Variants in HS3ST4 observed in about 807,000 individuals in gnomAD.
The protein encoded by HS3ST4 is heparan sulfate glucosamine 3-O-sulfotransferase 4.
A neutral mutation model predicts 29.2 loss-of-function variants in HS3ST4; 17 were observed. The ratio of observed to expected loss-of-function variants is 0.58; its 90% CI spans 0.40 to 0.87. The LOEUF (loss-of-function observed/expected upper bound fraction) is 0.87. HS3ST4 is among the 40% of genes least tolerant of loss of function. HS3ST4 has a pLI of 0.00. For synonymous variants in HS3ST4, 314 were observed against 285.7 expected, an observed-to-expected ratio of 1.10 and a Z score of -1.00; for missense variants, 627 against 634.5, an observed-to-expected ratio of 0.99 and a Z score of 0.13.
intron 1 of HS3ST4, among the ~76,000 whole-genome samples, chr16:25,806,347 G>A (rs1287158425): frequency 5.5e-5 from 5 of 91,084 alleles, no homozygotes; most frequent in African/African-American, 2.0e-4. Context: ...GTGTCTACGT[G>A]GGGGCAGGAC....
rs781032384 is a variant in HS3ST4 at position 25,692,889 on chromosome 16, G to T, written c.472G>T (p.Glu158Ter). The change falls in exon 1 of 2, where the codon GAG becomes TAG. Residue 158 changes from glutamate to a stop codon, truncating the protein, a stop_gained. Transcript: ENST00000331351. LOFTEE classifies it high-confidence loss of function. Reference sequence around the variant, plus strand: ...GATCACGGCTCAGAGCGCGCTGCCGGAGAGGGAAGCGCAGGAGTCCAGCAC... The same window carrying T: ...GATCACGGCTCAGAGCGCGCTGCCGTAGAGGGAAGCGCAGGAGTCCAGCAC... Reference protein sequence around the residue: ...EMITAQSALPEREAQESSTTD... With the variant: ...EMITAQSALP 1 of 1,567,522 alleles carries T rather than the reference G, an allele frequency of 6.4e-7. No individual in the cohort carries two copies. Among genetic ancestry groups the T allele is most frequent in the Non-Finnish European group, 8.6e-7 (1 of 1,157,422 alleles).
intron 1 of HS3ST4, among the ~76,000 whole-genome samples, chr16:25,950,797 T>C (rs1968676358): frequency 6.6e-6 from 1 of 152,076 alleles, no homozygotes; most frequent in Admixed American, 6.6e-5. Context: ...GCAAAGTAAA[T>C]GCAATAAGCC....
At chr16:25,906,086 T>A (rs1156330726) in intron 1 of HS3ST4, among the ~76,000 whole-genome samples, 1 of 152,196 alleles carries the variant, frequency 6.6e-6, no homozygotes, top group East Asian at 1.9e-4. Flanking sequence ...CATGTTTCGT[T>A]GAGATAAGGT....
intron 1 of HS3ST4, among the ~76,000 whole-genome samples, chr16:25,909,747 G>C (rs1392659751): frequency 6.6e-6 from 1 of 152,194 alleles, no homozygotes; most frequent in Non-Finnish European, 1.5e-5. Context: ...CTTTGAACAA[G>C]TGTGCAAAAT....
At chr16:25,743,784 G>A (rs1028956319) in intron 1 of HS3ST4, among the ~76,000 whole-genome samples, 1 of 152,204 alleles carries the variant, frequency 6.6e-6, no homozygotes, top group African/African-American at 2.4e-5. Context: ...GGGATTACAG[G>A]TGTGAGCCAC....
rs1171113166 is a variant in HS3ST4, at chr16:26,056,463, T to C, written c.735-79149T>C. ...GTCTCTGAGCTGAGGACTGGGATTG[T>C]GGCTGTGTGCTCCACCAACCCACAG... On this transcript the variant is annotated intron_variant, in intron 1 of 1. Transcript: ENST00000331351. 2.0e-5 allele frequency among the ~76,000 whole-genome samples: 3 copies of C among 152,320 alleles called. No individual in the cohort carries two copies. The South Asian group carries it at 6.2e-4, about 32-fold the overall frequency.
At chr16:25,848,555 T>G (rs1227068555) in intron 1 of HS3ST4, among the ~76,000 whole-genome samples, 1 of 152,178 alleles carries the variant, frequency 6.6e-6, no homozygotes, top group African/African-American at 2.4e-5. Context: ...TGTTCAGATT[T>G]ATTGATGTAA....
At chr16:25,725,249 C>A (rs1013812044) in intron 1 of HS3ST4, among the ~76,000 whole-genome samples, 1 of 152,094 alleles carries the variant, frequency 6.6e-6, no homozygotes, top group African/African-American at 2.4e-5. Flanking sequence ...CTGGTCATCT[C>A]ATTTATTTAT....
intron 1 of HS3ST4, among the ~76,000 whole-genome samples, chr16:26,012,360 A>G (rs1448564347): frequency 2.6e-5 from 4 of 152,244 alleles, no homozygotes; most frequent in African/African-American, 9.6e-5. Context: ...ATATTCTGAT[A>G]AAGAGGAAAG....
chr16:25,988,072 A>T (rs1969080835), intron 1 of HS3ST4, among the ~76,000 whole-genome samples: 1 of 152,182 alleles, frequency 6.6e-6, no homozygotes, highest in Non-Finnish European at 1.5e-5. Flanking sequence ...CCTGGCCAAG[A>T]TTGAATTTTA....
chr16:25,738,824 A>C (rs2141596691), intron 1 of HS3ST4, among the ~76,000 whole-genome samples: 1 of 151,900 alleles, frequency 6.6e-6, no homozygotes, highest in Non-Finnish European at 1.5e-5. Flanking sequence ...CCAGAACCAT[A>C]CTCTCTGATT....
Position 25,928,541 on chromosome 16 carries a change from G to A in HS3ST4, c.735-207071G>A, listed in dbSNP as rs143484174. On this transcript the variant is annotated intron_variant, in intron 1 of 1. Coordinates refer to ENST00000331351, the MANE Select transcript of HS3ST4 (RefSeq NM_006040.3). ...CAAGCACACCTCCAGACCACCTCCT[G>A]TAGAATTCATGTGGCCTCCTATGCT... is the stretch of plus-strand genomic sequence containing the variant. Among the ~76,000 whole-genome samples the A allele has an allele frequency of 2.9e-4, 44 of 152,320 alleles. No homozygotes were observed. The Middle Eastern group carries it at 0.01, about 35-fold the overall frequency.
At chr16:25,739,739 G>T (rs1316998011) in intron 1 of HS3ST4, among the ~76,000 whole-genome samples, 1 of 152,188 alleles carries the variant, frequency 6.6e-6, no homozygotes, top group Non-Finnish European at 1.5e-5. Flanking sequence ...ACATGGGAAA[G>T]ATGATGATGT....
chr16:25,872,702 C>T (rs570472182), intron 1 of HS3ST4, among the ~76,000 whole-genome samples: 37 of 152,274 alleles, frequency 2.4e-4, no homozygotes, highest in East Asian at 5.8e-4. Context: ...CATGCACCAT[C>T]GACCAAAGCA....
chr16:25,770,529 C>G (rs2141610728), intron 1 of HS3ST4, among the ~76,000 whole-genome samples: 1 of 152,264 alleles, frequency 6.6e-6, no homozygotes, highest in African/African-American at 2.4e-5. Context: ...GCTCAGCTCA[C>G]TCTTTTAAGC....
At chr16:26,052,336 T>A (rs923437592) in intron 1 of HS3ST4, among the ~76,000 whole-genome samples, 6 of 152,324 alleles carry the variant, frequency 3.9e-5, no homozygotes, top group Admixed American at 6.5e-5. Context: ...TTCTGAATAC[T>A]CCAATGTAAA....
At chr16:26,094,171 A>C (rs1596678630) in intron 1 of HS3ST4, among the ~76,000 whole-genome samples, 1 of 152,158 alleles carries the variant, frequency 6.6e-6, no homozygotes, top group Non-Finnish European at 1.5e-5. Context: ...GAGAATGGAA[A>C]CAAGTTGGAA....
chr16:25,825,233 C>G (rs1967203376), intron 1 of HS3ST4, among the ~76,000 whole-genome samples: 1 of 152,202 alleles, frequency 6.6e-6, no homozygotes, highest in Non-Finnish European at 1.5e-5. Context: ...TAAGGATCCT[C>G]TCGTGAAACC....
At chr16:25,803,096 C>CAT (rs151300260) in intron 1 of HS3ST4, among the ~76,000 whole-genome samples, 8,723 of 151,094 alleles carry the variant, frequency 0.058, 291 homozygotes, top group East Asian at 0.13. Context: ...TCTTTTCTCA[C>CAT]ATATATATAT....
Sources: gnomAD v4.1 joint callset for allele counts (sites outside exome capture counted in the v4.1 genomes callset) on GRCh38, gnomAD v4.1.1 for gene constraint, MANE v1.5 for transcripts, NCBI Gene and HGNC (gene_info 2026-07-23, HGNC 2026-07-21) for gene names.